The following TEX9 variants were observed in gnomAD, a reference collection of about 807,000 sequenced individuals.
The protein encoded by TEX9 is testis-expressed protein 9.
TEX9 carries 74 observed loss-of-function variants against 59.6 expected under a neutral mutation model. The ratio of observed to expected loss-of-function variants is 1.24; its 90% confidence interval spans 1.03 to 1.51. The LOEUF (loss-of-function observed/expected upper bound fraction) is 1.51. Among genes scored for constraint, TEX9 ranks in the 40% most tolerant of loss-of-function variants. TEX9 has a pLI of 0.00. For missense variants in TEX9, 522 were observed against 447.8 expected, an observed-to-expected ratio of 1.17 and a Z score of -1.49; for synonymous variants, 186 against 152.2, an observed-to-expected ratio of 1.22 and a Z score of -1.64.
intron 1 of TEX9, among the ~76,000 whole-genome samples, chr15:56,272,058 G>T (rs1479018919): frequency 6.6e-6 from 1 of 152,054 alleles, no homozygotes; most frequent in African/African-American, 2.4e-5. Context: ...GCAGGGGAAT[G>T]GCCGGAACCG....
intron 1 of TEX9, among the ~76,000 whole-genome samples, chr15:56,353,347 A>T (rs2046621971): frequency 1.3e-5 from 2 of 152,214 alleles, no homozygotes; most frequent in Admixed American, 6.5e-5. Flanking sequence ...ATTTGTAAGT[A>T]AAAAATAAAA....
exon 7 of TEX9, chr15:56,391,326 C>T (rs774855955): frequency 6.2e-7 from 1 of 1,605,350 alleles, no homozygotes; most frequent in Admixed American, 1.7e-5. Context: ...CTTGCAAAAA[C>T]AATTAGCAAA....
chr15:56,248,905 G>T (rs1284298794), intron 1 of TEX9: 1 of 152,154 alleles, frequency 6.6e-6, no homozygotes, highest in Non-Finnish European at 1.5e-5. Context: ...TGAACAGGTG[G>T]GGCCTAACCA....
At chr15:56,382,733 G>T (rs2047786279) in intron 3 of TEX9, among the ~76,000 whole-genome samples, 1 of 152,144 alleles carries the variant, frequency 6.6e-6, no homozygotes, top group Non-Finnish European at 1.5e-5. Context: ...GGCCGAGGTG[G>T]TATCCGAGAT....
intron 1 of TEX9, among the ~76,000 whole-genome samples, chr15:56,320,832 A>G (rs1205015984): frequency 2.6e-5 from 4 of 152,154 alleles, no homozygotes; most frequent in Non-Finnish European, 5.9e-5. Context: ...TCTAATACTA[A>G]AGGGCTCCTT....
intron 1 of TEX9, among the ~76,000 whole-genome samples, chr15:56,344,281 T>A (rs908056136): frequency 6.6e-6 from 1 of 152,184 alleles, no homozygotes; most frequent in Non-Finnish European, 1.5e-5. Flanking sequence ...TTCCATCAAC[T>A]GATGAATGGA....
intron 12 of TEX9, chr15:56,443,844 G>A (rs1247965832): frequency 2.5e-6 from 4 of 1,594,666 alleles, no homozygotes; most frequent in Non-Finnish European, 3.4e-6. Flanking sequence ...TCTAACTTTT[G>A]TTGTTTTTCC....
intron 10 of TEX9, among the ~76,000 whole-genome samples, chr15:56,420,314 T>A (rs1255628964): frequency 6.6e-6 from 1 of 151,254 alleles, no homozygotes; most frequent in Non-Finnish European, 1.5e-5. Context: ...TTTCTCTTTT[T>A]TTTTTCTCCC....
intron 1 of TEX9, among the ~76,000 whole-genome samples, chr15:56,350,095 G>A (rs1484737364): frequency 6.6e-6 from 1 of 151,956 alleles, no homozygotes; most frequent in Non-Finnish European, 1.5e-5. Flanking sequence ...TTACTTATGT[G>A]TATATTTCTT....
chr15:56,309,062 C>T (rs1377457915), intron 1 of TEX9, among the ~76,000 whole-genome samples: 1 of 152,112 alleles, frequency 6.6e-6, no homozygotes, highest in Non-Finnish European at 1.5e-5. Flanking sequence ...TTATGATAAG[C>T]TTATCAATCT....
intron 1 of TEX9, among the ~76,000 whole-genome samples, chr15:56,322,924 G>C (rs2045934731): frequency 6.6e-6 from 1 of 152,116 alleles, no homozygotes; most frequent in Non-Finnish European, 1.5e-5. Context: ...AGAGAATGGG[G>C]TGAGGCATGG....
chr15:56,344,034 G>A lies in TEX9; in HGVS notation c.-106-29407G>A, dbSNP rs139797057. 1.4e-4 allele frequency among the ~76,000 whole-genome samples: 22 copies of A among 152,310 alleles called. No homozygotes were observed. The East Asian group carries it at 2.9e-3, about 20-fold the overall frequency. ...GACAATAACAAATGTTAGCGAGGAT[G>A]TGGAGAAACTGGAACTCTCTTACAC... On this transcript the variant is annotated intron_variant, in intron 1 of 5. Transcript: ENST00000560827.
chr15:56,268,191 C>T (rs1255086830), intron 1 of TEX9, among the ~76,000 whole-genome samples: 1 of 152,156 alleles, frequency 6.6e-6, no homozygotes, highest in Non-Finnish European at 1.5e-5. Flanking sequence ...TGAGACTTTG[C>T]TGAAATTGCT....
the TEX9 span, chr15:56,456,507 CTT>C: frequency 1.8e-5 from 29 of 1,609,526 alleles, no homozygotes; most frequent in Non-Finnish European, 2.4e-5. Context: ...CTTTCAATCT[CTT>C]GTTTTCTTCT....
intron 1 of TEX9, among the ~76,000 whole-genome samples, chr15:56,271,432 A>G (rs112355936): frequency 2.0e-5 from 3 of 152,054 alleles, no homozygotes; most frequent in African/African-American, 4.8e-5. Context: ...GGAATCGGCT[A>G]CTGAAGCTTG....
intron 1 of TEX9, among the ~76,000 whole-genome samples, chr15:56,272,644 A>T (rs1327644732): frequency 1.3e-5 from 2 of 152,182 alleles, no homozygotes; most frequent in Admixed American, 1.3e-4. Flanking sequence ...AGAACGGCTG[A>T]GTCATGTGGT....
intron 10 of TEX9, among the ~76,000 whole-genome samples, chr15:56,419,467 T>C (rs1477219356): frequency 1.3e-5 from 2 of 151,934 alleles, no homozygotes; most frequent in African/African-American, 4.9e-5. Context: ...TGAGAGATCT[T>C]ACCAGGAATG....
the TEX9 span, among the ~76,000 whole-genome samples, chr15:56,460,009 A>AAAATATATAT: frequency 4.9e-4 from 13 of 26,380 alleles, 3 homozygotes; most frequent in South Asian, 3.0e-3. Flanking sequence ...AAAAAAAAAA[A>AAAATATATAT]ATACATATAT....
chr15:56,273,501 T>C (rs1392637514), intron 1 of TEX9, among the ~76,000 whole-genome samples: 2 of 152,228 alleles, frequency 1.3e-5, no homozygotes, highest in African/African-American at 4.8e-5. Context: ...AAGTAGTCTT[T>C]CTATTATTTG....
Sources: gnomAD v4.1 joint callset for allele counts (sites outside exome capture counted in the v4.1 genomes callset) on GRCh38, gnomAD v4.1.1 for gene constraint, MANE v1.5 for transcripts, NCBI Gene and HGNC (gene_info 2026-07-23, HGNC 2026-07-21) for gene names.